Variants in TMEM132B observed in about 807,000 individuals in gnomAD.
The protein encoded by TMEM132B is transmembrane protein 132B.
A neutral mutation model predicts 90.8 loss-of-function variants in TMEM132B; 18 were observed. That is an observed-to-expected ratio of 0.20 (90% CI 0.14 to 0.29). The LOEUF (loss-of-function observed/expected upper bound fraction) is 0.29, where lower values mean the gene tolerates loss of function less well. TMEM132B is among the 10% of genes least tolerant of loss of function. The pLI is 1.00. For missense variants in TMEM132B, 1,096 were observed against 1,326.8 expected, an observed-to-expected ratio of 0.83 and a Z score of 2.70; for synonymous variants, 504 against 523.3, an observed-to-expected ratio of 0.96 and a Z score of 0.50.
chr12:125,247,639 C>G (rs1050325174), intron 1 of TMEM132B, among the ~76,000 whole-genome samples: 8 of 152,160 alleles, frequency 5.3e-5, no homozygotes, highest in Non-Finnish European at 1.2e-4. Context: ...TCCTATTGGC[C>G]AATCAGAACA....
chr12:125,361,764 C>A lies in TMEM132B; in HGVS notation c.959+11421C>A, dbSNP rs547052460. ...TTAATAAGAACATGGTGCTTACCCC[C>A]CAAATCTGCCTTGTTTTCTCTCCCA... On this transcript the variant is annotated intron_variant, in intron 2 of 8. Transcript: ENST00000682704. Among the ~76,000 whole-genome samples, 7 of 152,330 alleles carry A rather than the reference C, an allele frequency of 4.6e-5. No homozygotes were observed. In the South Asian group the frequency reaches 1.4e-3, roughly 32 times the overall value.
chr12:125,374,696 C>T lies in TMEM132B; in HGVS notation c.959+24353C>T, dbSNP rs7972684. Among the ~76,000 whole-genome samples, 59 of 151,268 alleles carry T rather than the reference C, an allele frequency of 3.9e-4. 1 individual carries two copies. The highest frequency in any genetic ancestry group is 1.2e-3 in the African/African-American group (49 of 41,292). On this transcript the variant is annotated intron_variant, in intron 2 of 8. Transcript: ENST00000682704. Reference sequence around the variant, plus strand: ...CTTGCCTAAACTTATTTCTGCTTGGCAACCTTGCATGTTGATCAACTTGTA... The same window carrying T: ...CTTGCCTAAACTTATTTCTGCTTGGTAACCTTGCATGTTGATCAACTTGTA...
rs535382076 is a variant in TMEM132B, at chr12:125,633,237, T to C, written c.1438-10839T>C. Among the ~76,000 whole-genome samples, 19 of 152,364 alleles carry C rather than the reference T, an allele frequency of 1.2e-4. No individual in the cohort carries two copies. In the East Asian group the frequency reaches 3.3e-3, roughly 26 times the overall value. On this transcript the variant is annotated intron_variant, in intron 5 of 8. Transcript: ENST00000682704. ...ACTGGTGCGTTCTTCAGTATGTCAATTGCATTTTTCAGCTCAAGAATTTCT... is the reference window on the plus strand; with the variant it reads ...ACTGGTGCGTTCTTCAGTATGTCAACTGCATTTTTCAGCTCAAGAATTTCT...
In TMEM132B at chr12:125,462,395, G is replaced by A. The variant is rs949263731; in HGVS notation, c.1106+46718G>A. ...TGTGCTGAACAGAAAGAACAAGACT[G>A]TTTCTGTCTTCATGGAGGGGCGAGT... On this transcript the variant is annotated intron_variant, in intron 3 of 8. Transcript: ENST00000682704. Among the ~76,000 whole-genome samples the A allele has an allele frequency of 9.5e-5, 13 of 136,762 alleles. No individual in the cohort carries two copies. The East Asian group carries it at 1.3e-3, about 14-fold the overall frequency. 89.7% of individuals were successfully genotyped at this position (136,762 alleles called of 152,430 possible). A position where few individuals can be genotyped will look rare whatever the true frequency, so the allele number is the denominator to read the frequency against.
chr12:125,226,540 G>A (rs1443746296), intron 1 of TMEM132B, among the ~76,000 whole-genome samples: 3 of 152,182 alleles, frequency 2.0e-5, no homozygotes, highest in Non-Finnish European at 4.4e-5. Context: ...AGATTTTGTG[G>A]TTCTCATGTC....
At chr12:125,645,078 C>T (rs775766838) in intron 6 of TMEM132B, among the ~76,000 whole-genome samples, 6 of 151,744 alleles carry the variant, frequency 4.0e-5, no homozygotes, top group African/African-American at 7.3e-5. Flanking sequence ...AATAGCTGGG[C>T]GTGGTGGTGG....
At chr12:125,483,662 G>A (rs1171142978) in intron 3 of TMEM132B, among the ~76,000 whole-genome samples, 1 of 152,098 alleles carries the variant, frequency 6.6e-6, no homozygotes, top group Non-Finnish European at 1.5e-5. Flanking sequence ...GGAGGATGCT[G>A]GATTTGCTCA....
At chr12:125,361,815 A>G (rs1877968112) in intron 2 of TMEM132B, among the ~76,000 whole-genome samples, 1 of 152,226 alleles carries the variant, frequency 6.6e-6, no homozygotes, top group Admixed American at 6.5e-5. Flanking sequence ...GTGAGCTCTG[A>G]TGGAGGCTGG....
At chr12:125,563,558 CTG>C (rs1452808528) in intron 4 of TMEM132B, among the ~76,000 whole-genome samples, 2 of 136,090 alleles carry the variant, frequency 1.5e-5, no homozygotes, top group Non-Finnish European at 3.2e-5. Context: ...GAGCGAGACT[CTG>C]TCTCAAAAAC....
At chr12:125,193,516 T>C (rs1234606824) in intron 1 of TMEM132B, among the ~76,000 whole-genome samples, 1 of 152,222 alleles carries the variant, frequency 6.6e-6, no homozygotes, top group Non-Finnish European at 1.5e-5. Flanking sequence ...TTTTTCATGG[T>C]CAATGCAAGG....
chr12:125,351,384 G>T (rs780451006), intron 2 of TMEM132B, among the ~76,000 whole-genome samples: 1 of 152,238 alleles, frequency 6.6e-6, no homozygotes, highest in Non-Finnish European at 1.5e-5. Context: ...ATTCACAGAA[G>T]AGAGTTATGT....
chr12:125,541,941 C>T lies in TMEM132B; in HGVS notation c.1293+22316C>T, dbSNP rs540198699. 6.2e-5 allele frequency among the ~76,000 whole-genome samples: 9 copies of T among 144,236 alleles called. No individual in the cohort carries two copies. In the South Asian group the frequency reaches 1.8e-3, roughly 29 times the overall value. 94.6% of individuals were successfully genotyped at this position (144,236 alleles called of 152,430 possible). On this transcript the variant is annotated intron_variant, in intron 4 of 8. Coordinates refer to ENST00000682704, the MANE Select transcript of TMEM132B (RefSeq NM_001366854.1). ...TTGGGAGGCTGAGGCAGGAGAATGG[C>T]GTGAACCCGGTAGGCGGAGCTTGCA... is the stretch of plus-strand genomic sequence containing the variant.
chr12:125,263,545 G>A (rs1052044491), intron 1 of TMEM132B, among the ~76,000 whole-genome samples: 1 of 152,168 alleles, frequency 6.6e-6, no homozygotes, highest in Non-Finnish European at 1.5e-5. Context: ...CACATGTGAG[G>A]TCTTCGTGCA....
intron 4 of TMEM132B, among the ~76,000 whole-genome samples, chr12:125,528,938 C>T (rs979253328): frequency 2.0e-5 from 3 of 151,978 alleles, no homozygotes; most frequent in Non-Finnish European, 4.4e-5. Context: ...TACTTTATTT[C>T]TGTTATTATT....
At chr12:125,324,573 A>G (rs993876801) in intron 1 of TMEM132B, among the ~76,000 whole-genome samples, 5 of 151,170 alleles carry the variant, frequency 3.3e-5, no homozygotes, top group Non-Finnish European at 7.4e-5. Flanking sequence ...CAGGCTAGCG[A>G]GCATTACTGC....
Position 125,277,926 on chromosome 12 carries a change from T to C in TMEM132B, c.68-71526T>C, listed in dbSNP as rs1490464929. Among the ~76,000 whole-genome samples the C allele has an allele frequency of 6.6e-6, 1 of 152,216 alleles. No homozygotes were observed. The highest frequency in any genetic ancestry group is 1.5e-5 in the Non-Finnish European group (1 of 68,028). The stretch of plus-strand genomic sequence containing the variant: ...GGCCAGCATTCTCCGATGGGAAAAG[T>C]CTGGAACTCTGCAGTGTGCCCAAGT... On this transcript the variant is annotated intron_variant, in intron 1 of 8. Transcript: ENST00000682704. The surrounding 1 kb of genome is among the most constrained non-coding windows in gnomAD (Gnocchi z 4.3).
intron 3 of TMEM132B, among the ~76,000 whole-genome samples, chr12:125,481,500 C>T (rs1462773635): frequency 6.6e-6 from 1 of 152,164 alleles, no homozygotes; most frequent in Non-Finnish European, 1.5e-5. Flanking sequence ...CTCCCATTCA[C>T]AATTGCTACA....
At chr12:125,653,275 A>C (rs1184701596) in intron 8 of TMEM132B, among the ~76,000 whole-genome samples, 2 of 152,220 alleles carry the variant, frequency 1.3e-5, no homozygotes, top group Non-Finnish European at 2.9e-5. Flanking sequence ...TGATCTTTCA[A>C]AATGTTTTTA....
chr12:125,436,178 A>G (rs1354576253), intron 3 of TMEM132B, among the ~76,000 whole-genome samples: 1 of 152,190 alleles, frequency 6.6e-6, no homozygotes, highest in Non-Finnish European at 1.5e-5. Context: ...CTGCATTCTC[A>G]GCTAACTGTG....
Sources: gnomAD v4.1 joint callset for allele counts (sites outside exome capture counted in the v4.1 genomes callset) on GRCh38, gnomAD v4.1.1 for gene constraint, Gnocchi (gnomAD v3.1) non-coding constraint, MANE v1.5 for transcripts, NCBI Gene and HGNC (gene_info 2026-07-23, HGNC 2026-07-21) for gene names.